The following ALX1 variants were observed in gnomAD, a reference collection of about 807,000 sequenced individuals.
The protein encoded by ALX1 is ALX homeobox 1.
A neutral mutation model predicts 31.7 loss-of-function variants in ALX1; 19 were observed. That is an observed-to-expected ratio of 0.60 (90% CI 0.42 to 0.88). ALX1 has a LOEUF of 0.88. Among genes scored for constraint, ALX1 ranks in the 40% least tolerant of loss-of-function variants. ALX1 has a pLI of 0.00. For synonymous variants in ALX1, 153 were observed against 148.8 expected (o/e 1.03, Z -0.20); for missense variants, 415 against 407.8 (o/e 1.02, Z -0.15).
Position 85,282,897 on chromosome 12 carries a change from TA to T in ALX1, c.227-663del, listed in dbSNP as rs112890587. On this transcript the variant is annotated intron_variant, in intron 1 of 3. Coordinates refer to ENST00000316824, the MANE Select transcript of ALX1 (RefSeq NM_006982.3). ...AAAAAGAACTGCGTAAGTTTTTAGGTAAAAAAAAAAAATGCTGCTTAAATCT... is the reference window on the plus strand; with the variant it reads ...AAAAAGAACTGCGTAAGTTTTTAGGTAAAAAAAAAAATGCTGCTTAAATCT... Among the ~76,000 whole-genome samples, 594 of 145,840 alleles carry T rather than the reference TA, an allele frequency of 4.1e-3. 3 individuals are homozygous for T. The highest frequency in any genetic ancestry group is 9.5e-3 in the African/African-American group (385 of 40,612).
chr12:85,283,528 T>C, intron 1 of ALX1, 44 bp from the exon 2 acceptor site: 2 of 1,598,428 alleles, frequency 1.3e-6, no homozygotes, highest in Non-Finnish European at 1.7e-6. Context: ...TTGAGATGAG[T>C]TTCACAATCC....
intron 2 of ALX1, 45 bp downstream of exon 2, chr12:85,283,921 A>G (rs1361337040): frequency 1.9e-6 from 3 of 1,594,888 alleles, no homozygotes; most frequent in Non-Finnish European, 2.6e-6. Context: ...AGGAAAATAA[A>G]TGGTGTTAGA....
chr12:85,285,438 G>A (rs1896736325), intron 2 of ALX1, among the ~76,000 whole-genome samples: 2 of 151,978 alleles, frequency 1.3e-5, no homozygotes, highest in Admixed American at 1.3e-4. Context: ...GAGACAGCAA[G>A]AAAATTTGAT....
At position 85,301,775 on chromosome 12, in the gene ALX1, G is replaced by A; in HGVS notation, c.*300G>A. ...ACGCAACTTATTAAAGAATAAATGTGTTAAACAAATTCTTCTGTTATAGAT... is the reference window on the plus strand; with the variant it reads ...ACGCAACTTATTAAAGAATAAATGTATTAAACAAATTCTTCTGTTATAGAT... On this transcript the variant is annotated 3_prime_UTR_variant, in exon 4 of 4. Coordinates refer to ENST00000316824, the MANE Select transcript of ALX1 (RefSeq NM_006982.3). The A allele has an allele frequency of 2.8e-6, 1 of 360,974 alleles. No homozygotes were observed. Among genetic ancestry groups the A allele is most frequent in the South Asian group, 3.9e-5 (1 of 25,340 alleles). The allele number at this position is 360,974 out of a possible 1,614,324, so 22.4% of individuals were successfully genotyped here.
At chr12:85,289,293 C>T (rs1261544318) in intron 3 of ALX1, among the ~76,000 whole-genome samples, 2 of 151,084 alleles carry the variant, frequency 1.3e-5, no homozygotes, top group Non-Finnish European at 3.0e-5. Context: ...TGTATAAATG[C>T]TCAATATGAC....
At chr12:85,295,813 G>A (rs1461738247) in intron 3 of ALX1, among the ~76,000 whole-genome samples, 1 of 151,526 alleles carries the variant, frequency 6.6e-6, no homozygotes, top group Non-Finnish European at 1.5e-5. Flanking sequence ...ATATAGATGA[G>A]AAGTAGAGTT....
At chr12:85,295,374 G>A (rs1593052396) in intron 3 of ALX1, among the ~76,000 whole-genome samples, 1 of 151,520 alleles carries the variant, frequency 6.6e-6, no homozygotes, top group East Asian at 1.9e-4. Context: ...ATATACTAGT[G>A]AATTTCATAA....
At chr12:85,287,375 T>A (rs35388734) in intron 3 of ALX1, among the ~76,000 whole-genome samples, 35,445 of 151,150 alleles carry the variant, frequency 0.23, 4,574 homozygotes, top group Non-Finnish European at 0.29. Flanking sequence ...TATTGTTTTA[T>A]GAACTATACT....
intron 3 of ALX1, 96 bp downstream of exon 3, chr12:85,287,077 T>TAA: frequency 2.2e-6 from 3 of 1,388,342 alleles, no homozygotes; most frequent in Non-Finnish European, 3.0e-6. Context: ...TGTAAGATAA[T>TAA]AGCCAAGAAT....
intron 1 of ALX1, among the ~76,000 whole-genome samples, chr12:85,281,059 C>T (rs559509678): frequency 6.6e-6 from 1 of 152,086 alleles, no homozygotes; most frequent in African/African-American, 2.4e-5. Flanking sequence ...AGATTTCTAG[C>T]GTGTGTGAAT....
chr12:85,283,953 G>A, intron 2 of ALX1, 77 bp downstream of exon 2: 2 of 1,504,344 alleles, frequency 1.3e-6, no homozygotes, highest in Non-Finnish European at 1.8e-6. Flanking sequence ...AGTGCATTTT[G>A]CCACAAAGAA....
chr12:85,288,242 G>A (rs950018118), intron 3 of ALX1, among the ~76,000 whole-genome samples: 2 of 151,406 alleles, frequency 1.3e-5, no homozygotes, highest in African/African-American at 2.4e-5. Flanking sequence ...AGGTCGCTAC[G>A]TCTAAACCTT....
In ALX1 at chr12:85,286,740, T is replaced by C. The variant is rs1054188176; in HGVS notation, c.532-113T>C. 5.0e-6 allele frequency: 5 copies of C among 996,666 alleles called. No homozygotes were observed. The Admixed American group carries it at 1.1e-4, about 22-fold the overall frequency. The allele number at this position is 996,666 out of a possible 1,614,324, so 61.7% of individuals were successfully genotyped here. A position where few individuals can be genotyped will look rare whatever the true frequency, so the allele number is the denominator to read the frequency against. ...CCTTTTCTAACATAAATACATTTCT[T>C]TTTACGTAATTTTTTTAACCTGGTT... On this transcript the variant is annotated intron_variant, in intron 2 of 3. Coordinates refer to ENST00000316824, the MANE Select transcript of ALX1 (RefSeq NM_006982.3).
chr12:85,281,596 T>C (rs566129909), intron 1 of ALX1, among the ~76,000 whole-genome samples: 2 of 152,358 alleles, frequency 1.3e-5, no homozygotes, highest in African/African-American at 4.8e-5. Context: ...TTTTCTTTTA[T>C]TAATCTCATA....
At chr12:85,284,163 C>T (rs1275605274) in intron 2 of ALX1, among the ~76,000 whole-genome samples, 1 of 148,886 alleles carries the variant, frequency 6.7e-6, no homozygotes, top group Non-Finnish European at 1.5e-5. Context: ...TTTTCAAAAG[C>T]AGTTTTTAAA....
At chr12:85,289,769 A>G (rs1028248470) in intron 3 of ALX1, among the ~76,000 whole-genome samples, 1 of 151,254 alleles carries the variant, frequency 6.6e-6, no homozygotes, top group South Asian at 2.1e-4. Context: ...TTTTTATTTT[A>G]ACTTAAATAT....
intron 1 of ALX1, 43 bp downstream of exon 1, chr12:85,280,530 G>T (rs764192292): frequency 8.8e-6 from 14 of 1,592,264 alleles, no homozygotes; most frequent in Non-Finnish European, 1.1e-5. Context: ...CAGCCCTTCC[G>T]CAATCGAAAA....
chr12:85,288,455 T>C (rs979197804), intron 3 of ALX1, among the ~76,000 whole-genome samples: 1 of 151,516 alleles, frequency 6.6e-6, no homozygotes, highest in Non-Finnish European at 1.5e-5. Context: ...GTTTGCCAAA[T>C]ATTTTTGAGT....
intron 3 of ALX1, among the ~76,000 whole-genome samples, chr12:85,299,665 ACG>A (rs1896937214): frequency 6.6e-6 from 1 of 151,812 alleles, no homozygotes; most frequent in Non-Finnish European, 1.5e-5. Context: ...TTTTTCTCTT[ACG>A]TTTTGAACCT....
Sources: gnomAD v4.1 joint callset for allele counts (sites outside exome capture counted in the v4.1 genomes callset) on GRCh38, gnomAD v4.1.1 for gene constraint, MANE v1.5 for transcripts, NCBI Gene and HGNC (gene_info 2026-07-23, HGNC 2026-07-21) for gene names.